ALG13: variants seen among roughly 807,000 people sequenced by gnomAD.
The protein encoded by ALG13 is UDP-N-acetylglucosamine transferase subunit ALG13.
ALG13 carries 11 observed loss-of-function variants against 87.8 expected under a neutral mutation model. The observed-to-expected ratio is 0.13, with a 90% confidence interval of 0.08 to 0.21. The LOEUF (loss-of-function observed/expected upper bound fraction) is 0.21. Ranked by LOEUF, ALG13 falls within the 10% of genes least tolerant of loss-of-function variation. The pLI is 1.00. For synonymous variants in ALG13, 320 were observed against 306.3 expected, an observed-to-expected ratio of 1.04 and a Z score of -0.47; for missense variants, 756 against 866.1, an observed-to-expected ratio of 0.87 and a Z score of 1.60.
Position 111,708,040 on chromosome X carries a change from C to A in ALG13, c.397C>A (p.Pro133Thr), listed in dbSNP as rs768748444. 8.3e-7 allele frequency: 1 copy of A among 1,208,400 alleles called. No individual in the cohort carries two copies. Among genetic ancestry groups the A allele is most frequent in the East Asian group, 3.0e-5 (1 of 33,790 alleles). ...TTCTTTTCACAGGGTCCTGACTTGT[C>A]CTGGGCAAGCCAAGTCCATTGCTTC... ...FYCTCRVLTC[P>T]GQAKSIASAP... Residue 133 changes from proline to threonine, a missense_variant, in exon 4 of 27, where the codon CCT (proline) becomes ACT (threonine). By Grantham distance (38) the Pro-to-Thr change is conservative. Transcript: ENST00000394780.
intron 21 of ALG13, among the ~76,000 whole-genome samples, chrX:111,731,791 A>G (rs1178128196): frequency 8.9e-6 from 1 of 112,019 alleles, no homozygotes; most frequent in African/African-American, 3.2e-5. Flanking sequence ...TTGTGGTTTT[A>G]TCCTTATATT....
chrX:111,713,088 CA>C, intron 7 of ALG13, 136 bp from the exon 8 acceptor site: 1 of 426,528 alleles, frequency 2.3e-6, no homozygotes, highest in Non-Finnish European at 4.0e-6. Flanking sequence ...ATTTTAAAGC[CA>C]AACATTAAAC....
rs748792396 is a variant in ALG13 at position 111,744,730 on chromosome X, C to A, written c.2758C>A (p.Pro920Thr). 1.8e-5 allele frequency: 18 copies of A among 996,780 alleles called. No individual in the cohort carries two copies. Among genetic ancestry groups the A allele is most frequent in the Non-Finnish European group, 2.2e-5 (17 of 761,796 alleles). 82.1% of individuals were successfully genotyped at this position (996,780 alleles called of 1,213,427 possible). A position where few individuals can be genotyped will look rare whatever the true frequency, so the allele number is the denominator to read the frequency against. ...TCCTCATGCTGGTGCCTCTCTACCA[C>A]CACCACCACCACCACCACCACCACC... ...AIPHAGASLPPPPPPPPPPPP... is the reference protein window; with the variant it reads ...AIPHAGASLPTPPPPPPPPPP... Residue 920 changes from proline (P) to threonine (T), a missense_variant, in exon 24 of 27, where the codon CCA (proline) becomes ACA (threonine). Pro to Thr is a conservative substitution (Grantham distance 38). Around this residue, in one of 9 missense-constraint regions of ALG13, gnomAD observed 362 missense variants for 383.5 expected, o/e 0.94. Coordinates refer to ENST00000394780, the MANE Select transcript of ALG13 (RefSeq NM_001099922.3).
At chrX:111,701,718 T>G (rs1184560590) in intron 3 of ALG13, among the ~76,000 whole-genome samples, 1 of 111,820 alleles carries the variant, frequency 8.9e-6, no homozygotes, top group Non-Finnish European at 1.9e-5. Context: ...TTCCTTCTGC[T>G]AACTTTAGGT....
rs922887342 is a variant in ALG13 at position 111,760,479 on chromosome X, A to C, written c.*480A>C. 1 of 116,804 alleles carries C rather than the reference A, an allele frequency of 8.6e-6. No individual in the cohort carries two copies. The highest frequency in any genetic ancestry group is 1.8e-5 in the Non-Finnish European group (1 of 56,071). 9.6% of individuals were successfully genotyped at this position (116,804 alleles called of 1,213,427 possible). On this transcript the variant is annotated 3_prime_UTR_variant, in exon 27 of 27. Transcript: ENST00000394780. ...CGTTTCTTGAGAATTATCTGAAGCC[A>C]GTTGCATTCTGTGATATCAGTTTTG...
intron 3 of ALG13, among the ~76,000 whole-genome samples, chrX:111,696,720 T>A (rs1224818947): frequency 8.9e-6 from 1 of 111,959 alleles, no homozygotes; most frequent in East Asian, 2.8e-4. Context: ...TAAAAAGTAG[T>A]CATTGCAAAA....
rs181638158 is a variant in ALG13, at chrX:111,722,147, A to T, written c.1435+436A>T. Reference sequence around the variant, plus strand: ...GCAGAAAAAATTAAAAGAATAATATATCGTGACACATGAAAATTATATAAT... The same window carrying T: ...GCAGAAAAAATTAAAAGAATAATATTTCGTGACACATGAAAATTATATAAT... On this transcript the variant is annotated intron_variant, in intron 12 of 26. Transcript: ENST00000394780. 9.9e-4 allele frequency among the ~76,000 whole-genome samples: 111 copies of T among 112,120 alleles called. 1 individual carries two copies. The highest frequency in any genetic ancestry group is 4.6e-3 in the Middle Eastern group (1 of 217).
chrX:111,709,032 A>G lies in ALG13; in HGVS notation c.818A>G (p.Gln273Arg). Residue 273 changes from glutamine to arginine, a missense_variant, in exon 5 of 27, where the codon CAA (glutamine) becomes CGA (arginine). By Grantham distance (43) the Gln-to-Arg change is conservative (BLOSUM62 1). This residue lies in a region of ALG13 where 60 missense variants were observed against 54.5 expected (regional missense o/e 1.10). Coordinates refer to ENST00000394780, the MANE Select transcript of ALG13 (RefSeq NM_001099922.3). The stretch of plus-strand genomic sequence containing the variant: ...TGTGTCTCATATATGAGGGAAAATC[A>G]ACAAACTTTTGAGTCTGTAAGTAGA... ...KACVSYMREN[Q>R]QTFESYVEGS... is the part of the protein sequence containing the mutation. 8.5e-7 allele frequency: 1 copy of G among 1,172,456 alleles called. No homozygotes were observed. Among genetic ancestry groups the G allele is most frequent in the Non-Finnish European group, 1.2e-6 (1 of 868,829 alleles).
At chrX:111,730,294 A>G (rs923603106) in intron 19 of ALG13, 101 bp from the exon 20 acceptor site, 5 of 699,113 alleles carry the variant, frequency 7.2e-6, no homozygotes, top group Non-Finnish European at 1.1e-5. Context: ...TGAACATATA[A>G]CCATAAAACT....
intron 24 of ALG13, among the ~76,000 whole-genome samples, chrX:111,751,889 T>C (rs1336491742): frequency 8.9e-6 from 1 of 111,785 alleles, no homozygotes; most frequent in Non-Finnish European, 1.9e-5. Context: ...AGAGGTCCAA[T>C]TGGAATGCTA....
Position 111,737,739 on chromosome X carries a change from G to A in ALG13, c.2695+860G>A, listed in dbSNP as rs550388570. Among the ~76,000 whole-genome samples, 3 of 112,435 alleles carry A rather than the reference G, an allele frequency of 2.7e-5. No individual in the cohort carries two copies. The South Asian group carries it at 1.1e-3, about 41-fold the overall frequency. On this transcript the variant is annotated intron_variant, in intron 23 of 26. Transcript: ENST00000394780. ...CACTGAAAAGTAGGGCAGACAATTT[G>A]GAAGCAGCAGCCAAAACTGGGAAGG...
intron 3 of ALG13, among the ~76,000 whole-genome samples, chrX:111,703,078 A>G (rs2147940920): frequency 9.0e-6 from 1 of 110,741 alleles, no homozygotes; most frequent in Non-Finnish European, 1.9e-5. Context: ...CTTTATTGTT[A>G]TGTCCAGGGA....
rs750905018 is a variant in ALG13 at position 111,736,740 on chromosome X, A to G, written c.2556A>G (p.Ala852=). The G allele has an allele frequency of 8.3e-7, 1 of 1,210,416 alleles. No homozygotes were observed. Among genetic ancestry groups the G allele is most frequent in the Non-Finnish European group, 1.1e-6 (1 of 894,840 alleles). ...QKMMGNIAAV[A]ASCANNVPAP... ...TGATGGGAAATATTGCAGCAGTTGC[A>G]GCTTCCTGTGCCAATAATGTTCCAG... The change falls in exon 23 of 27, where the codon GCA becomes GCG. Residue 852 remains alanine, a synonymous_variant. Coordinates refer to ENST00000394780, the MANE Select transcript of ALG13 (RefSeq NM_001099922.3).
rs1468657804 is a variant in ALG13, at chrX:111,727,004, T to G, written c.1925T>G (p.Phe642Cys). 1 of 1,211,101 alleles carries G rather than the reference T, an allele frequency of 8.3e-7. No individual in the cohort carries two copies. Among genetic ancestry groups the G allele is most frequent in the East Asian group, 3.0e-5 (1 of 33,851 alleles). The change falls in exon 16 of 27, where the codon TTT becomes TGT. Residue 642 changes from phenylalanine to cysteine, a missense_variant. By Grantham distance (205) the Phe-to-Cys change is radical (BLOSUM62 -2). This residue lies in a region of ALG13 where 362 missense variants were observed against 383.5 expected (regional missense o/e 0.94). Transcript: ENST00000394780. ...TAGNVMSNEH[F>C]HPQHPSPRQG... ...GGCAATGTTATGTCTAATGAACATT[T>G]TCATCCTCAGCATCCATCTCCGAGA...
chrX:111,686,279 T>C, intron 3 of ALG13: 1 of 367,024 alleles, frequency 2.7e-6, no homozygotes, highest in Non-Finnish European at 4.1e-6. Flanking sequence ...TATATTTATT[T>C]ACATTATAGT....
chrX:111,684,145 G>T (rs1055182965), intron 2 of ALG13, among the ~76,000 whole-genome samples: 2 of 111,511 alleles, frequency 1.8e-5, no homozygotes, highest in Non-Finnish European at 1.9e-5. Context: ...TTAATAAATG[G>T]CATGAGATAG....
chrX:111,752,717 G>A, intron 24 of ALG13, 73 bp from the exon 25 acceptor site: 5 of 819,075 alleles, frequency 6.1e-6, no homozygotes, highest in Middle Eastern at 3.0e-4. Flanking sequence ...TGCCCAGCCA[G>A]AAAAGCTTTT....
intron 3 of ALG13, among the ~76,000 whole-genome samples, chrX:111,686,372 C>T (rs1013822122): frequency 1.8e-5 from 2 of 112,182 alleles, no homozygotes; most frequent in Non-Finnish European, 3.8e-5. Flanking sequence ...CTGCTTCTGT[C>T]TCTTAGGCAC....
At chrX:111,700,439 G>C (rs1937622217) in intron 3 of ALG13, among the ~76,000 whole-genome samples, 1 of 110,980 alleles carries the variant, frequency 9.0e-6, no homozygotes, top group Non-Finnish European at 1.9e-5. Flanking sequence ...TCCTTGTCTT[G>C]TCCCTGATCT....
Sources: gnomAD v4.1 joint callset for allele counts (sites outside exome capture counted in the v4.1 genomes callset) on GRCh38, gnomAD v4.1.1 for gene constraint, gnomAD v4.1.1 regional missense constraint, MANE v1.5 for transcripts, NCBI Gene and HGNC (gene_info 2026-07-23, HGNC 2026-07-21) for gene names.